The following ANO2 variants were observed in gnomAD, a reference collection of about 807,000 sequenced individuals.
ANO2 encodes the protein anoctamin 2.
ANO2 carries 101 observed loss-of-function variants against 124.2 expected under a neutral mutation model. The observed-to-expected ratio is 0.81, with a 90% CI of 0.69 to 0.96. ANO2 has a LOEUF of 0.96. Among genes scored for constraint, ANO2 ranks in the 40% least tolerant of loss-of-function variants. The pLI, the probability that ANO2 is intolerant of heterozygous loss-of-function variation, is 0.00. For missense variants in ANO2, 1,293 were observed against 1,274.5 expected, an observed-to-expected ratio of 1.01 and a Z score of -0.22; for synonymous variants, 486 against 482.5, an observed-to-expected ratio of 1.01 and a Z score of -0.09.
Position 5,566,191 on chromosome 12 carries a change from A to G in ANO2, c.2622-528T>C, listed in dbSNP as rs942357290. Among the ~76,000 whole-genome samples the G allele has an allele frequency of 2.0e-5, 3 of 152,342 alleles. No homozygotes were observed. The South Asian group carries it at 6.2e-4, about 32-fold the overall frequency. ...TGCTTCATGGCTGCATTCTTGAACC[A>G]AAAAGAAGGCTGATCCAGACCAAGC... On this transcript the variant is annotated intron_variant, in intron 23 of 24. Transcript: ENST00000682330.
intron 14 of ANO2, among the ~76,000 whole-genome samples, chr12:5,671,558 G>C (rs1000992323): frequency 6.6e-6 from 1 of 152,012 alleles, no homozygotes; most frequent in African/African-American, 2.4e-5. Context: ...GGCAGAGGGG[G>C]CAGGTTGAGC....
chr12:5,708,637 T>A (rs1012339654), intron 14 of ANO2, among the ~76,000 whole-genome samples: 3 of 152,228 alleles, frequency 2.0e-5, no homozygotes, highest in African/African-American at 7.2e-5. Flanking sequence ...AGAGCCATTG[T>A]TTAATCAATT....
chr12:5,596,602 C>T (rs2136877393), intron 20 of ANO2, among the ~76,000 whole-genome samples: 1 of 152,098 alleles, frequency 6.6e-6, no homozygotes, highest in Non-Finnish European at 1.5e-5. Context: ...GGTGTGAGTT[C>T]CTTCCCAAAG....
At chr12:5,936,224 C>A (rs987379779) in intron 1 of ANO2, among the ~76,000 whole-genome samples, 1 of 152,116 alleles carries the variant, frequency 6.6e-6, no homozygotes, top group African/African-American at 2.4e-5. Flanking sequence ...AAGAGAAGCA[C>A]CTGCAACCAA....
chr12:5,831,603 G>A (rs1400681352), intron 5 of ANO2, among the ~76,000 whole-genome samples: 2 of 152,140 alleles, frequency 1.3e-5, no homozygotes, highest in Non-Finnish European at 2.9e-5. Flanking sequence ...GGGGACATGA[G>A]GACTCAATGA....
chr12:5,640,769 G>A (rs529023741), intron 15 of ANO2, among the ~76,000 whole-genome samples: 98 of 152,330 alleles, frequency 6.4e-4, no homozygotes, highest in Non-Finnish European at 1.1e-3. Context: ...CTTTTACACT[G>A]TTGGTGGGAG....
intron 14 of ANO2, among the ~76,000 whole-genome samples, chr12:5,707,002 T>C (rs1949634734): frequency 6.6e-6 from 1 of 152,202 alleles, no homozygotes; most frequent in Non-Finnish European, 1.5e-5. Flanking sequence ...ACTCTGAATC[T>C]TGAATTGTAT....
rs564038457 is a variant in ANO2 at position 5,610,268 on chromosome 12, T to C, written c.2087+2388A>G. Among the ~76,000 whole-genome samples, 171 of 122,174 alleles carry C rather than the reference T, an allele frequency of 1.4e-3. 1 individual carries two copies. The highest frequency in any genetic ancestry group is 5.3e-3 in the African/African-American group (164 of 30,916). 80.2% of individuals were successfully genotyped at this position (122,174 alleles called of 152,430 possible). On this transcript the variant is annotated intron_variant, in intron 19 of 24. Transcript: ENST00000682330. Reference sequence around the variant, plus strand: ...ATGCATATATTTATACATAAATATATAAATGCATATATTTATACATAAATA... The same window carrying C: ...ATGCATATATTTATACATAAATATACAAATGCATATATTTATACATAAATA...
chr12:5,632,531 A>T (rs1235321193), intron 16 of ANO2, among the ~76,000 whole-genome samples: 2 of 152,076 alleles, frequency 1.3e-5, no homozygotes, highest in Non-Finnish European at 2.9e-5. Flanking sequence ...AGACTTTCTT[A>T]TGGAGTCCTG....
At chr12:5,771,429 T>C (rs186686134) in intron 10 of ANO2, among the ~76,000 whole-genome samples, 38 of 152,336 alleles carry the variant, frequency 2.5e-4, no homozygotes, top group Non-Finnish European at 4.6e-4. Flanking sequence ...TTAAAAAGTG[T>C]TATCATTTAT....
intron 6 of ANO2, among the ~76,000 whole-genome samples, chr12:5,829,891 A>G (rs1445538339): frequency 6.6e-6 from 1 of 152,218 alleles, no homozygotes; most frequent in Non-Finnish European, 1.5e-5. Context: ...TTGGCTTTCT[A>G]TTGAATGGGC....
chr12:5,869,507 AT>A (rs1255385010), intron 3 of ANO2, among the ~76,000 whole-genome samples: 1 of 152,154 alleles, frequency 6.6e-6, no homozygotes, highest in Non-Finnish European at 1.5e-5. Flanking sequence ...AAAGAGAAGA[AT>A]TTCCCTCTCC....
chr12:5,746,796 C>T (rs769754769), intron 11 of ANO2, among the ~76,000 whole-genome samples: 1 of 152,174 alleles, frequency 6.6e-6, no homozygotes, highest in Non-Finnish European at 1.5e-5. Context: ...GACTAAACAG[C>T]TGCTATTAAG....
chr12:5,565,643 G>C lies in ANO2; in HGVS notation c.2642C>G (p.Pro881Arg), dbSNP rs372358207. 6.2e-7 allele frequency: 1 copy of C among 1,600,904 alleles called. No homozygotes were observed. The highest frequency in any genetic ancestry group is 1.7e-5 in the Admixed American group (1 of 58,220). ...CTCATAAGGGTTCGGGGCCCATGGCGGCTCTCGGTAATCCTTAAACCTGCC... is the reference window on the plus strand; with the variant it reads ...CTCATAAGGGTTCGGGGCCCATGGCCGCTCTCGGTAATCCTTAAACCTGCC... ...QFCRFKDYRE[P>R]PWAPNPYEFS... The change falls in exon 24 of 25, where the codon CCG becomes CGG. Residue 881 changes from proline (P) to arginine (R), a missense_variant. Physicochemically the swap from Pro to Arg is moderately radical, Grantham distance 103 (BLOSUM62 -2). Transcript: ENST00000682330.
chr12:5,596,029 G>A (rs930648831), intron 20 of ANO2, among the ~76,000 whole-genome samples: 1 of 152,140 alleles, frequency 6.6e-6, no homozygotes, highest in Non-Finnish European at 1.5e-5. Flanking sequence ...AAGAACCATA[G>A]AATGACCATA....
chr12:5,808,257 C>A (rs1436191656), intron 7 of ANO2, among the ~76,000 whole-genome samples: 1 of 152,208 alleles, frequency 6.6e-6, no homozygotes, highest in East Asian at 1.9e-4. Flanking sequence ...CATAGCAGAC[C>A]CTACTAAACA....
At chr12:5,808,495 G>A (rs1024091837) in intron 7 of ANO2, among the ~76,000 whole-genome samples, 4 of 152,030 alleles carry the variant, frequency 2.6e-5, no homozygotes, top group African/African-American at 9.7e-5. Flanking sequence ...CAAGGATCCC[G>A]CCATACGAGG....
At chr12:5,847,445 C>G (rs987523353) in intron 4 of ANO2, among the ~76,000 whole-genome samples, 73 of 144,784 alleles carry the variant, frequency 5.0e-4, no homozygotes, top group African/African-American at 1.7e-3. Flanking sequence ...CATAACACCT[C>G]TGTGTGTGTG....
At chr12:5,835,524 T>C (rs1954287617) in intron 4 of ANO2, among the ~76,000 whole-genome samples, 1 of 152,206 alleles carries the variant, frequency 6.6e-6, no homozygotes, top group Non-Finnish European at 1.5e-5. Flanking sequence ...GCATCTCCTG[T>C]GGGCCTGGCT....
Sources: gnomAD v4.1 joint callset for allele counts (sites outside exome capture counted in the v4.1 genomes callset) on GRCh38, gnomAD v4.1.1 for gene constraint, MANE v1.5 for transcripts, NCBI Gene and HGNC (gene_info 2026-07-23, HGNC 2026-07-21) for gene names.